The following ZNF385D variants were observed in gnomAD, a reference collection of about 807,000 sequenced individuals.
ZNF385D encodes zinc finger protein 659.
In ZNF385D, 15 loss-of-function variants were observed where a neutral mutation model predicts 35.8. The observed-to-expected ratio is 0.42, with a 90% confidence interval of 0.28 to 0.64. The LOEUF is 0.64. Ranked by LOEUF, ZNF385D falls within the 30% of genes least tolerant of loss-of-function variation. The pLI is 0.23. For missense variants in ZNF385D, 474 were observed against 494.6 expected, an observed-to-expected ratio of 0.96 and a Z score of 0.39; for synonymous variants, 212 against 186.8, an observed-to-expected ratio of 1.13 and a Z score of -1.10.
rs11380195 is a variant in ZNF385D, at chr3:22,019,034, C to CTTTTTT, written c.325+149777_325+149782dup. On this transcript the variant is annotated intron_variant, in intron 3 of 5. Transcript: ENST00000494108. ...CAGTTTCATGGATAGAGTTATTTAC[C>CTTTTTT]TTTTTTTTTTTTTTTTTTTTTTTTT... 6.4e-3 allele frequency among the ~76,000 whole-genome samples: 413 copies of CTTTTTT among 64,446 alleles called. 45 individuals carry two copies. The highest frequency in any genetic ancestry group is 0.015 in the African/African-American group (195 of 13,366). The allele number at this position is 64,446 out of a possible 152,430, so 42.3% of individuals were successfully genotyped here.
chr3:21,734,999 G>T (rs2069179272), intron 1 of ZNF385D, among the ~76,000 whole-genome samples: 1 of 152,124 alleles, frequency 6.6e-6, no homozygotes, highest in African/African-American at 2.4e-5. Context: ...GCTCCAACAA[G>T]TTCCACCCTT....
At position 21,415,561 on chromosome 3, in the gene ZNF385D, A is replaced by G. The variant is rs1700551226; in HGVS notation, c.*5653T>C. On this transcript the variant is annotated 3_prime_UTR_variant, in exon 8 of 8. Transcript: ENST00000281523. ...TTTACCATGGCTTTGTAAAAGAATG[A>G]CAGGTACTAAGACTCATATTTTTAC... The G allele has an allele frequency of 6.6e-6, 1 of 152,148 alleles. No homozygotes were observed. 9.4% of individuals were successfully genotyped at this position (152,148 alleles called of 1,614,324 possible).
At chr3:22,189,825 C>A (rs376399004) in intron 2 of ZNF385D, among the ~76,000 whole-genome samples, 1 of 152,110 alleles carries the variant, frequency 6.6e-6, no homozygotes, top group Non-Finnish European at 1.5e-5. Flanking sequence ...ATGGGCCCAG[C>A]CAATTCTACA....
intron 3 of ZNF385D, among the ~76,000 whole-genome samples, chr3:21,995,563 T>A (rs1022203230): frequency 3.3e-5 from 5 of 152,004 alleles, no homozygotes; most frequent in African/African-American, 1.2e-4. Context: ...GCATGAGTGC[T>A]GGTGGCAGTG....
At chr3:22,041,993 T>A (rs71312025) in intron 3 of ZNF385D, among the ~76,000 whole-genome samples, 3 of 152,090 alleles carry the variant, frequency 2.0e-5, no homozygotes, top group African/African-American at 7.2e-5. Context: ...AGTATTTTAT[T>A]GCCTTACAAA....
At chr3:22,209,311 C>A (rs902464932) in intron 2 of ZNF385D, among the ~76,000 whole-genome samples, 3 of 151,826 alleles carry the variant, frequency 2.0e-5, no homozygotes, top group Non-Finnish European at 4.4e-5. Flanking sequence ...ATTAAATAAG[C>A]TGTTAAAATA....
At chr3:22,251,678 T>C (rs1281789209) in intron 2 of ZNF385D, among the ~76,000 whole-genome samples, 2 of 152,098 alleles carry the variant, frequency 1.3e-5, no homozygotes, top group South Asian at 2.1e-4. Flanking sequence ...CATTGCCAAA[T>C]GACCCTTTAA....
At chr3:21,444,226 C>T (rs1281561528) in intron 4 of ZNF385D, among the ~76,000 whole-genome samples, 15 of 151,434 alleles carry the variant, frequency 9.9e-5, no homozygotes, top group South Asian at 2.1e-4. Context: ...ATTACAGGTG[C>T]GCACCACCAC....
At chr3:21,599,912 T>C (rs1389652285) in intron 2 of ZNF385D, among the ~76,000 whole-genome samples, 1 of 152,160 alleles carries the variant, frequency 6.6e-6, no homozygotes, top group African/African-American at 2.4e-5. Context: ...GGTTAAGGCA[T>C]TCTAAATCAC....
At chr3:21,973,794 A>G (rs373594871) in intron 3 of ZNF385D, among the ~76,000 whole-genome samples, 1 of 152,048 alleles carries the variant, frequency 6.6e-6, no homozygotes, top group African/African-American at 2.4e-5. Flanking sequence ...AAACTATCTG[A>G]AAAACATATC....
At chr3:22,000,241 C>T (rs901301286) in intron 3 of ZNF385D, among the ~76,000 whole-genome samples, 5 of 151,734 alleles carry the variant, frequency 3.3e-5, no homozygotes, top group African/African-American at 1.2e-4. Flanking sequence ...GGAGGTGGAG[C>T]TTGCAGTGAG....
intron 3 of ZNF385D, among the ~76,000 whole-genome samples, chr3:21,999,856 T>A (rs988089624): frequency 6.6e-6 from 1 of 151,754 alleles, no homozygotes; most frequent in Non-Finnish European, 1.5e-5. Flanking sequence ...AATGACCACA[T>A]ATTCTAATTC....
intron 3 of ZNF385D, among the ~76,000 whole-genome samples, chr3:22,044,169 T>G (rs1382573015): frequency 6.6e-6 from 1 of 151,636 alleles, no homozygotes; most frequent in Non-Finnish European, 1.5e-5. Flanking sequence ...CCTGCATGGA[T>G]AGTCACAAAA....
In ZNF385D at chr3:22,260,373, G is replaced by C. The variant is rs577999262; in HGVS notation, c.107-91338C>G. On this transcript the variant is annotated intron_variant, in intron 2 of 5. Transcript: ENST00000494108. ...CAGGTGGGCGGCAAGGGGAGGGAGA[G>C]CATTAGGACAAATACCTAATGCAAG... is the stretch of plus-strand genomic sequence containing the variant. Among the ~76,000 whole-genome samples, 29 of 151,992 alleles carry C rather than the reference G, an allele frequency of 1.9e-4. No individual in the cohort carries two copies. The East Asian group carries it at 5.3e-3, about 28-fold the overall frequency.
At chr3:21,846,125 A>G (rs1319861282) in intron 3 of ZNF385D, among the ~76,000 whole-genome samples, 6 of 151,988 alleles carry the variant, frequency 3.9e-5, no homozygotes, top group Non-Finnish European at 8.8e-5. Flanking sequence ...GCAATTACAT[A>G]TTAGTCTTTG....
chr3:22,023,251 C>G (rs1348458516), intron 3 of ZNF385D, among the ~76,000 whole-genome samples: 4 of 152,146 alleles, frequency 2.6e-5, no homozygotes, highest in African/African-American at 4.8e-5. Flanking sequence ...AGAGTGGCAA[C>G]TGAGTCTGGG....
At chr3:21,831,773 G>A (rs1695005813) in intron 3 of ZNF385D, among the ~76,000 whole-genome samples, 4 of 152,112 alleles carry the variant, frequency 2.6e-5, no homozygotes. Context: ...CCAGACAACT[G>A]AGTCTGATCA....
At chr3:22,139,853 G>C (rs867992774) in intron 3 of ZNF385D, among the ~76,000 whole-genome samples, 4 of 152,086 alleles carry the variant, frequency 2.6e-5, no homozygotes, top group African/African-American at 9.7e-5. Context: ...GACATCATTC[G>C]TTATTTGGAA....
chr3:22,007,078 G>A (rs765284086), intron 3 of ZNF385D, among the ~76,000 whole-genome samples: 95 of 150,792 alleles, frequency 6.3e-4, no homozygotes, highest in Non-Finnish European at 9.3e-4. Flanking sequence ...TTTTTGAAAA[G>A]GCAAACTGTT....
Sources: allele counts gnomAD v4.1 joint callset (sites outside exome capture counted in the v4.1 genomes callset), GRCh38; gene constraint gnomAD v4.1.1; transcripts MANE v1.5; gene names NCBI Gene and HGNC (gene_info 2026-07-23, HGNC 2026-07-21).